ARK2N: variants seen among roughly 807,000 people sequenced by gnomAD.
The protein encoded by ARK2N is protein ARK2N.
At chr18:46,204,284 A>G in the ARK2N span, among the ~76,000 whole-genome samples, 22 of 152,188 alleles carry the variant, frequency 1.4e-4, no homozygotes, top group Middle Eastern at 3.2e-3. Flanking sequence ...AATTAGATAA[A>G]TAGCATAAGG....
At chr18:46,228,224 CCTT>C in the ARK2N span, among the ~76,000 whole-genome samples, 1 of 152,074 alleles carries the variant, frequency 6.6e-6, no homozygotes, top group Non-Finnish European at 1.5e-5. Flanking sequence ...TCTGTCTTCA[CCTT>C]CTTCCTGGAA....
chr18:46,215,856 C>T, the ARK2N span: 5 of 1,596,352 alleles, frequency 3.1e-6, no homozygotes, highest in Admixed American at 3.4e-5. Context: ...AGACTCTACT[C>T]CATGATTTAA....
chr18:46,239,307 GT>G, the ARK2N span, among the ~76,000 whole-genome samples: 2 of 152,152 alleles, frequency 1.3e-5, no homozygotes, highest in African/African-American at 2.4e-5. Flanking sequence ...ATTGCATATT[GT>G]TTAGTTGGAG....
chr18:46,201,779 C>CT, the ARK2N span, among the ~76,000 whole-genome samples: 26,573 of 135,704 alleles, frequency 0.2, 2,711 homozygotes, highest in East Asian at 0.4. Context: ...CTTTTCTTTT[C>CT]TTTTTTTTTT....
At chr18:46,185,148 C>G in the ARK2N span, among the ~76,000 whole-genome samples, 2 of 152,170 alleles carry the variant, frequency 1.3e-5, no homozygotes, top group Non-Finnish European at 1.5e-5. Context: ...TTAAAAGATT[C>G]AGTTGATCAA....
chr18:46,254,416 T>A, the ARK2N span, among the ~76,000 whole-genome samples: 1 of 152,202 alleles, frequency 6.6e-6, no homozygotes, highest in Non-Finnish European at 1.5e-5. Context: ...ATAAACATAA[T>A]TTATGAAGTT....
chr18:46,178,602 G>A, the ARK2N span, among the ~76,000 whole-genome samples: 1 of 152,228 alleles, frequency 6.6e-6, no homozygotes, highest in African/African-American at 2.4e-5. Flanking sequence ...GAGCCACCAT[G>A]CCTGGCCCTG....
the ARK2N span, among the ~76,000 whole-genome samples, chr18:46,236,151 T>A: frequency 6.6e-6 from 1 of 152,228 alleles, no homozygotes; most frequent in Non-Finnish European, 1.5e-5. Context: ...GTAGATTTTT[T>A]AAAAATTCTA....
chr18:46,266,573 T>G, the ARK2N span: 1 of 152,644 alleles, frequency 6.6e-6, no homozygotes, highest in Non-Finnish European at 1.5e-5. Context: ...GGAAATATTT[T>G]TGTTGTTGTT....
the ARK2N span, among the ~76,000 whole-genome samples, chr18:46,183,353 A>C: frequency 6.6e-6 from 1 of 152,182 alleles, no homozygotes; most frequent in Non-Finnish European, 1.5e-5. Context: ...AATTGGTATT[A>C]GATTTAGAAG....
chr18:46,198,541 C>T, the ARK2N span, among the ~76,000 whole-genome samples: 10 of 152,146 alleles, frequency 6.6e-5, no homozygotes, highest in South Asian at 2.1e-4. Flanking sequence ...TTTTAAAATA[C>T]GCAAATGTAG....
chr18:46,209,291 T>A, the ARK2N span, among the ~76,000 whole-genome samples: 1 of 28,970 alleles, frequency 3.5e-5, no homozygotes, highest in African/African-American at 2.0e-4. Context: ...ACTTCTCCAC[T>A]TTTTTTTTTT....
chr18:46,189,067 T>G, the ARK2N span, among the ~76,000 whole-genome samples: 1 of 151,880 alleles, frequency 6.6e-6, no homozygotes, highest in Non-Finnish European at 1.5e-5. Context: ...ATAAAAAAAT[T>G]AGCCAGGCGT....
the ARK2N span, among the ~76,000 whole-genome samples, chr18:46,219,557 C>T: frequency 6.6e-6 from 1 of 151,836 alleles, no homozygotes; most frequent in East Asian, 1.9e-4. Flanking sequence ...GCAACCTCCG[C>T]CTCCCAGGTT....
At chr18:46,215,911 G>A in the ARK2N span, 4 of 1,613,638 alleles carry the variant, frequency 2.5e-6, no homozygotes, top group Non-Finnish European at 3.4e-6. Flanking sequence ...GGGAAAAGTT[G>A]AAGAACTCAT....
chr18:46,174,504 C>G, the ARK2N span, among the ~76,000 whole-genome samples: 1 of 151,942 alleles, frequency 6.6e-6, no homozygotes, highest in Admixed American at 6.6e-5. Context: ...GCCGGGAACT[C>G]GCAGCCTGGA....
At chr18:46,258,864 C>T in the ARK2N span, among the ~76,000 whole-genome samples, 1,739 of 152,248 alleles carry the variant, frequency 0.011, 29 homozygotes, top group African/African-American at 0.04. Flanking sequence ...AGGACCACTC[C>T]AGAGGCTTAA....
chr18:46,260,898 G>A, the ARK2N span, among the ~76,000 whole-genome samples: 1 of 152,174 alleles, frequency 6.6e-6, no homozygotes, highest in Non-Finnish European at 1.5e-5. Context: ...TTTTTCTTCT[G>A]TATAATAAAC....
At chr18:46,182,145 A>C in the ARK2N span, among the ~76,000 whole-genome samples, 1 of 152,210 alleles carries the variant, frequency 6.6e-6, no homozygotes, top group Admixed American at 6.6e-5. Flanking sequence ...TTCTGTATTA[A>C]GAACAAAAAC....
Sources: gnomAD v4.1 joint callset for allele counts (sites outside exome capture counted in the v4.1 genomes callset) on GRCh38, gnomAD v4.1.1 for gene constraint, MANE v1.5 for transcripts, NCBI Gene and HGNC (gene_info 2026-07-23, HGNC 2026-07-21) for gene names.